C1orf185: variants seen among roughly 807,000 people sequenced by gnomAD.
The protein encoded by C1orf185 is uncharacterized protein C1orf185.
In C1orf185, 13 loss-of-function variants were observed where a neutral mutation model predicts 16.1. That is an observed-to-expected ratio of 0.81 (90% CI 0.53 to 1.28). The LOEUF is 1.28. Among genes scored for constraint, C1orf185 ranks in the 50% most tolerant of loss-of-function variants. The pLI, the probability that C1orf185 is intolerant of heterozygous loss-of-function variation, is 0.00. For missense variants in C1orf185, 220 were observed against 225.2 expected (o/e 0.98, Z 0.15); for synonymous variants, 80 against 76.9 (o/e 1.04, Z -0.21).
At chr1:51,139,477 T>C (rs372880211) in intron 3 of C1orf185, among the ~76,000 whole-genome samples, 1 of 152,286 alleles carries the variant, frequency 6.6e-6, no homozygotes, top group South Asian at 2.1e-4. Flanking sequence ...TGAAAATGAT[T>C]GGGGAGGGTT....
intron 3 of C1orf185, among the ~76,000 whole-genome samples, chr1:51,133,432 C>T (rs1043883916): frequency 2.6e-5 from 4 of 152,098 alleles, no homozygotes; most frequent in Non-Finnish European, 5.9e-5. Flanking sequence ...AGACTTCAAA[C>T]CAGCAAAGAT....
intron 2 of C1orf185, among the ~76,000 whole-genome samples, chr1:51,117,990 T>C (rs1386707874): frequency 6.6e-6 from 1 of 152,328 alleles, no homozygotes; most frequent in Middle Eastern, 3.4e-3. Flanking sequence ...CTAGGCTCAC[T>C]GCAACCTCTA....
chr1:51,118,037 C>T (rs190731465), intron 2 of C1orf185, among the ~76,000 whole-genome samples: 4 of 152,298 alleles, frequency 2.6e-5, no homozygotes, highest in Middle Eastern at 3.4e-3. Flanking sequence ...CCTCAGCCAC[C>T]CTAGTAGCTG....
At position 51,141,008 on chromosome 1, in the gene C1orf185, A is replaced by G. The variant is rs768320605; in HGVS notation, c.259-4716A>G. On this transcript the variant is annotated intron_variant, in intron 3 of 4. Coordinates refer to ENST00000371759, the MANE Select transcript of C1orf185 (RefSeq NM_001136508.2). ...CATTATTTCTGAGCTCAGACTTTTG[A>G]TAGGTTAGCTCCACCCAATTCAAAG... Among the ~76,000 whole-genome samples, 12 of 152,100 alleles carry G rather than the reference A, an allele frequency of 7.9e-5. No homozygotes were observed. The East Asian group carries it at 9.6e-4, about 12-fold the overall frequency.
intron 2 of C1orf185, among the ~76,000 whole-genome samples, chr1:51,113,061 C>T (rs999189419): frequency 6.6e-6 from 1 of 151,730 alleles, no homozygotes; most frequent in Non-Finnish European, 1.5e-5. Context: ...TCAGACGATC[C>T]GCCCGCCTCG....
At chr1:51,143,815 A>G (rs1260298893) in intron 3 of C1orf185, among the ~76,000 whole-genome samples, 1 of 152,166 alleles carries the variant, frequency 6.6e-6, no homozygotes, top group Non-Finnish European at 1.5e-5. Context: ...GGCATGCGCC[A>G]TCATGCCCAG....
At chr1:51,111,848 A>G (rs886216011) in intron 1 of C1orf185, among the ~76,000 whole-genome samples, 9 of 152,066 alleles carry the variant, frequency 5.9e-5, no homozygotes, top group African/African-American at 2.2e-4. Context: ...AACTTTTTGT[A>G]GAGATGGTAT....
chr1:51,128,963 C>T (rs1032498338), intron 3 of C1orf185, among the ~76,000 whole-genome samples: 2 of 151,764 alleles, frequency 1.3e-5, no homozygotes, highest in Admixed American at 1.3e-4. Context: ...TGGCTCACTG[C>T]AACATCTGCC....
intron 3 of C1orf185, among the ~76,000 whole-genome samples, chr1:51,119,953 T>C (rs1335025780): frequency 6.6e-6 from 1 of 151,954 alleles, no homozygotes; most frequent in Non-Finnish European, 1.5e-5. Flanking sequence ...CATCATATGA[T>C]AAGAGCTCAC....
chr1:51,141,177 A>T (rs1225135931), intron 3 of C1orf185, among the ~76,000 whole-genome samples: 1 of 152,198 alleles, frequency 6.6e-6, no homozygotes, highest in Non-Finnish European at 1.5e-5. Context: ...TATGTTGAAC[A>T]GGTGTGTACA....
At chr1:51,128,168 C>T (rs1646256004) in intron 3 of C1orf185, among the ~76,000 whole-genome samples, 2 of 151,856 alleles carry the variant, frequency 1.3e-5, no homozygotes, top group South Asian at 2.1e-4. Flanking sequence ...GGATTACAGG[C>T]GTGAGCCACC....
At chr1:51,118,177 C>G (rs1053240329) in intron 2 of C1orf185, among the ~76,000 whole-genome samples, 2 of 152,262 alleles carry the variant, frequency 1.3e-5, no homozygotes, top group African/African-American at 4.8e-5. Flanking sequence ...GCCTTGACCT[C>G]CCAAAGTGCT....
chr1:51,125,136 GCAT>G (rs1646231195), intron 3 of C1orf185, among the ~76,000 whole-genome samples: 1 of 152,216 alleles, frequency 6.6e-6, no homozygotes, highest in Admixed American at 6.5e-5. Flanking sequence ...CCTTGTGCCA[GCAT>G]CATCTTCATG....
chr1:51,139,503 C>G (rs1646349686), intron 3 of C1orf185, among the ~76,000 whole-genome samples: 1 of 152,076 alleles, frequency 6.6e-6, no homozygotes, highest in Admixed American at 6.6e-5. Flanking sequence ...TTTTTCTGTA[C>G]TCTGAATAGT....
chr1:51,151,947 C>T (rs1371120618), downstream of C1orf185, among the ~76,000 whole-genome samples: 1 of 152,118 alleles, frequency 6.6e-6, no homozygotes, highest in Non-Finnish European at 1.5e-5. Flanking sequence ...CCTCAGCCTC[C>T]CAAAGTGCTA....
At chr1:51,120,506 TCTA>T (rs1448761038) in intron 3 of C1orf185, among the ~76,000 whole-genome samples, 2 of 152,204 alleles carry the variant, frequency 1.3e-5, no homozygotes, top group Non-Finnish European at 2.9e-5. Flanking sequence ...ACCGTACAAT[TCTA>T]CTATTATTTT....
At chr1:51,151,526 T>C (rs1238040538), downstream of C1orf185, among the ~76,000 whole-genome samples, 5 of 151,992 alleles carry the variant, frequency 3.3e-5, no homozygotes, top group Non-Finnish European at 7.4e-5. Context: ...GAGAAACCAG[T>C]GTCCAACTGC....
At chr1:51,109,673 G>A (rs1387139779) in intron 1 of C1orf185, among the ~76,000 whole-genome samples, 2 of 152,004 alleles carry the variant, frequency 1.3e-5, no homozygotes, top group African/African-American at 4.8e-5. Flanking sequence ...AGTGTTCCTG[G>A]CACTTTGGCA....
At chr1:51,146,356 G>A (rs1229917530) in intron 4 of C1orf185, among the ~76,000 whole-genome samples, 1 of 151,858 alleles carries the variant, frequency 6.6e-6, no homozygotes, top group Non-Finnish European at 1.5e-5. Flanking sequence ...CTACTTGGGA[G>A]GCTGGGGCAA....
Sources: allele counts gnomAD v4.1 joint callset (sites outside exome capture counted in the v4.1 genomes callset), GRCh38; gene constraint gnomAD v4.1.1; transcripts MANE v1.5; gene names NCBI Gene and HGNC (gene_info 2026-07-23, HGNC 2026-07-21).